Variants in RAB11FIP4 observed in about 807,000 individuals in gnomAD.
RAB11FIP4 encodes the protein RAB11 family interacting protein 4.
A neutral mutation model predicts 74.3 loss-of-function variants in RAB11FIP4; 23 were observed. The observed-to-expected ratio is 0.31, with a 90% CI of 0.22 to 0.44. RAB11FIP4 has a LOEUF of 0.44. Ranked by LOEUF, RAB11FIP4 falls within the 20% of genes least tolerant of loss-of-function variation. The pLI is 1.00. For synonymous variants in RAB11FIP4, 360 were observed against 359.9 expected (o/e 1.00, Z 0.00); for missense variants, 630 against 863.9 (o/e 0.73, Z 3.39).
chr17:31,428,606 T>C (rs1157245704), intron 1 of RAB11FIP4, among the ~76,000 whole-genome samples: 1 of 152,012 alleles, frequency 6.6e-6, no homozygotes, highest in Non-Finnish European at 1.5e-5. Context: ...CACTATTGTG[T>C]ATGTGTGGCT....
intron 3 of RAB11FIP4, among the ~76,000 whole-genome samples, chr17:31,495,247 A>G (rs2072091810): frequency 6.6e-6 from 1 of 152,118 alleles, no homozygotes; most frequent in Non-Finnish European, 1.5e-5. Context: ...TGCCCTTGGT[A>G]GTTAACCACA....
chr17:31,514,223 G>A (rs1470888000), intron 3 of RAB11FIP4, among the ~76,000 whole-genome samples: 2 of 152,276 alleles, frequency 1.3e-5, no homozygotes, highest in Non-Finnish European at 2.9e-5. Flanking sequence ...TCAGGACGCT[G>A]CTGTAGATGT....
At chr17:31,474,625 C>T (rs529613043) in intron 3 of RAB11FIP4, among the ~76,000 whole-genome samples, 3 of 149,558 alleles carry the variant, frequency 2.0e-5, no homozygotes, top group Non-Finnish European at 3.0e-5. Flanking sequence ...GCTGAGATTG[C>T]GCCACTGCAC....
At chr17:31,414,513 C>T (rs538182700) in intron 1 of RAB11FIP4, among the ~76,000 whole-genome samples, 4 of 152,338 alleles carry the variant, frequency 2.6e-5, no homozygotes, top group South Asian at 2.1e-4. Context: ...TGTGGGTGGC[C>T]GGAGGGATTC....
In RAB11FIP4 at chr17:31,512,928, T is replaced by G. The variant is rs1035234325; in HGVS notation, c.337-4723T>G. ...AAGCTGCCCTGGGCACAGACCTTAC[T>G]TGCTGACCCCGGCCACCTAGAAACA... On this transcript the variant is annotated intron_variant, in intron 3 of 14. Coordinates refer to ENST00000621161, the MANE Select transcript of RAB11FIP4 (RefSeq NM_032932.6). The surrounding 1 kb of genome is among the most constrained non-coding windows in gnomAD (Gnocchi z 4.1). Among the ~76,000 whole-genome samples, 1 of 152,104 alleles carries G rather than the reference T, an allele frequency of 6.6e-6. No individual in the cohort carries two copies. The highest frequency in any genetic ancestry group is 1.5e-5 in the Non-Finnish European group (1 of 68,002).
chr17:31,423,532 CTGTT>C (rs1449966113), intron 1 of RAB11FIP4, among the ~76,000 whole-genome samples: 6 of 152,188 alleles, frequency 3.9e-5, no homozygotes, highest in Non-Finnish European at 4.4e-5. Context: ...TGTGCCCAGT[CTGTT>C]TGTTTGCTTT....
chr17:31,413,396 A>C (rs565337407), intron 1 of RAB11FIP4, among the ~76,000 whole-genome samples: 1 of 152,234 alleles, frequency 6.6e-6, no homozygotes, highest in East Asian at 1.9e-4. Context: ...AGAGGGCCTC[A>C]CACGGAGGGC....
chr17:31,474,582 T>G (rs1468407899), intron 3 of RAB11FIP4, among the ~76,000 whole-genome samples: 1 of 151,136 alleles, frequency 6.6e-6, no homozygotes, highest in Non-Finnish European at 1.5e-5. Context: ...GGCAGGAGAT[T>G]CACTTGAACC....
intron 1 of RAB11FIP4, among the ~76,000 whole-genome samples, chr17:31,422,856 T>C (rs2071212542): frequency 6.6e-6 from 1 of 152,102 alleles, no homozygotes; most frequent in Non-Finnish European, 1.5e-5. Context: ...TTTTTTAAAG[T>C]CTTTGTCTAA....
chr17:31,400,598 AC>A (rs1411290194), intron 1 of RAB11FIP4, among the ~76,000 whole-genome samples: 1 of 152,194 alleles, frequency 6.6e-6, no homozygotes, highest in Non-Finnish European at 1.5e-5. Context: ...CTAGTTCTTC[AC>A]CCAGGTGATG....
rs1043177491 is a variant in RAB11FIP4, at chr17:31,525,215, A to G, written c.1259A>G (p.Glu420Gly). The G allele has an allele frequency of 1.2e-5, 19 of 1,547,568 alleles. No homozygotes were observed. Among genetic ancestry groups the G allele is most frequent in the Non-Finnish European group, 1.7e-5 (19 of 1,146,346 alleles). ...GAGAGGGAGAAGGCTACCGAGGTGG[A>G]GCTGCTCAATGCCAGGTGGGCCCCT... ...KLEREKATEV[E>G]LLNARVQQLE... The change falls in exon 10 of 15, where the codon GAG (glutamate) becomes GGG (glycine). Residue 420 changes from glutamate to glycine, a missense_variant. Physicochemically the swap from Glu to Gly is moderately conservative, Grantham distance 98. Transcript: ENST00000621161.
chr17:31,409,633 C>G (rs1342479586), intron 1 of RAB11FIP4, among the ~76,000 whole-genome samples: 1 of 152,220 alleles, frequency 6.6e-6, no homozygotes, highest in African/African-American at 2.4e-5. Flanking sequence ...CCACCCTGCA[C>G]TCAAGGAGCA....
rs1296382641 is a variant in RAB11FIP4, at chr17:31,533,946, T to C, written c.*2214T>C. 1 of 152,260 alleles carries C rather than the reference T, an allele frequency of 6.6e-6. No individual in the cohort carries two copies. The highest frequency in any genetic ancestry group is 1.5e-5 in the Non-Finnish European group (1 of 68,052). The allele number at this position is 152,260 out of a possible 1,614,324, so 9.4% of individuals were successfully genotyped here. A position where few individuals can be genotyped will look rare whatever the true frequency, so the allele number is the denominator to read the frequency against. On this transcript the variant is annotated 3_prime_UTR_variant, in exon 15 of 15. Transcript: ENST00000621161. ...ACACACACCTCAAGTCCAACCTTAC[T>C]TTCTTCAGCCAGAATACATTTCTTG...
chr17:31,468,970 C>A (rs897072011), intron 3 of RAB11FIP4, among the ~76,000 whole-genome samples: 11 of 152,192 alleles, frequency 7.2e-5, no homozygotes, highest in Admixed American at 5.2e-4. Context: ...CAGATGTATA[C>A]ATGCCTACCT....
intron 3 of RAB11FIP4, chr17:31,488,183 C>A (rs2071935412): frequency 9.2e-7 from 1 of 1,082,372 alleles, no homozygotes; most frequent in South Asian, 4.4e-5. Context: ...CGCCGCGTCC[C>A]CGCGCGCCGC....
chr17:31,412,260 C>A (rs1040328452), intron 1 of RAB11FIP4, among the ~76,000 whole-genome samples: 10 of 152,166 alleles, frequency 6.6e-5, no homozygotes, highest in African/African-American at 2.2e-4. Context: ...ATGTCCTGTG[C>A]AAGGGAGAAA....
At chr17:31,425,826 C>A (rs548126738) in intron 1 of RAB11FIP4, among the ~76,000 whole-genome samples, 3 of 152,338 alleles carry the variant, frequency 2.0e-5, no homozygotes, top group East Asian at 3.9e-4. Flanking sequence ...GGCTGCCCAG[C>A]CACGCATGGT....
At chr17:31,485,768 A>G (rs934532033) in intron 3 of RAB11FIP4, among the ~76,000 whole-genome samples, 1 of 152,276 alleles carries the variant, frequency 6.6e-6, no homozygotes, top group Non-Finnish European at 1.5e-5. Context: ...AGGGTGTACA[A>G]CATCCTGTGA....
chr17:31,460,720 T>C (rs1392841826), intron 3 of RAB11FIP4, among the ~76,000 whole-genome samples: 2 of 152,118 alleles, frequency 1.3e-5, no homozygotes, highest in East Asian at 1.9e-4. Flanking sequence ...TGAGTGGGTG[T>C]ATATATAGAG....
Sources: gnomAD v4.1 joint callset for allele counts (sites outside exome capture counted in the v4.1 genomes callset) on GRCh38, gnomAD v4.1.1 for gene constraint, Gnocchi (gnomAD v3.1) non-coding constraint, MANE v1.5 for transcripts, NCBI Gene and HGNC (gene_info 2026-07-23, HGNC 2026-07-21) for gene names.